Variants in GRID1 observed in about 807,000 individuals in gnomAD.
GRID1 encodes glutamate ionotropic receptor delta type subunit 1.
GRID1 carries 28 observed loss-of-function variants against 98.0 expected under a neutral mutation model. The ratio of observed to expected loss-of-function variants is 0.29; its 90% CI spans 0.21 to 0.39. The LOEUF is 0.39. Among genes scored for constraint, GRID1 ranks in the 10% least tolerant of loss-of-function variants. The pLI is 1.00. For missense variants in GRID1, 1,111 were observed against 1,340.5 expected (o/e 0.83, Z 2.67); for synonymous variants, 553 against 538.5 (o/e 1.03, Z -0.37).
At chr10:86,082,130 A>G (rs986232468) in intron 4 of GRID1, among the ~76,000 whole-genome samples, 1 of 152,244 alleles carries the variant, frequency 6.6e-6, no homozygotes, top group Non-Finnish European at 1.5e-5. Flanking sequence ...TTTTTCCTCA[A>G]TTTTTCTGTA....
rs12253666 is a variant in GRID1, at chr10:85,916,480, C to T, written c.727-241G>A. ...TGCACCAGCCCAGAGCAAGATTAGACGCTTGGGTTCCTGCAGGCAGCACAG... is the reference window on the plus strand; with the variant it reads ...TGCACCAGCCCAGAGCAAGATTAGATGCTTGGGTTCCTGCAGGCAGCACAG... On this transcript the variant is annotated intron_variant, in intron 4 of 15. Transcript: ENST00000327946. This position sits in a 1 kb window ranked among gnomAD's most constrained non-coding sequence, Gnocchi z 4.0. Among the ~76,000 whole-genome samples, 7,377 of 152,272 alleles carry T rather than the reference C, an allele frequency of 0.048. 489 individuals carry two copies. The highest frequency in any genetic ancestry group is 0.15 in the African/African-American group (6,384 of 41,526).
chr10:85,652,266 T>C (rs1355315371), intron 12 of GRID1, among the ~76,000 whole-genome samples: 2 of 152,218 alleles, frequency 1.3e-5, no homozygotes, highest in Non-Finnish European at 2.9e-5. Context: ...AACAAAGAGA[T>C]AAATGTGTTT....
chr10:86,101,744 A>T (rs555997970), intron 4 of GRID1, among the ~76,000 whole-genome samples: 1 of 151,004 alleles, frequency 6.6e-6, no homozygotes, highest in Admixed American at 6.6e-5. Context: ...GGCTCAAGAG[A>T]TCCTCCCACC....
chr10:86,337,792 C>T (rs1447602913), intron 2 of GRID1, among the ~76,000 whole-genome samples: 1 of 141,750 alleles, frequency 7.1e-6, no homozygotes, highest in South Asian at 2.4e-4. Context: ...ACTGAAACCT[C>T]GGTCTCCCAG....
chr10:86,250,167 G>A (rs1252209766), intron 2 of GRID1, among the ~76,000 whole-genome samples: 1 of 152,188 alleles, frequency 6.6e-6, no homozygotes, highest in Non-Finnish European at 1.5e-5. Flanking sequence ...AAAAGTCAGT[G>A]GGGACATTGC....
intron 3 of GRID1, among the ~76,000 whole-genome samples, chr10:86,194,881 C>T (rs568349789): frequency 6.6e-6 from 1 of 152,212 alleles, no homozygotes; most frequent in Non-Finnish European, 1.5e-5. Context: ...CCCCTCACAC[C>T]CCTTGTCCCA....
intron 2 of GRID1, among the ~76,000 whole-genome samples, chr10:86,332,780 G>A (rs1156354932): frequency 1.3e-5 from 2 of 150,418 alleles, no homozygotes; most frequent in African/African-American, 4.9e-5. Context: ...GCTCCTCCCT[G>A]ACTCCTCATC....
intron 2 of GRID1, among the ~76,000 whole-genome samples, chr10:86,261,278 G>A (rs752194012): frequency 9.9e-5 from 15 of 152,212 alleles, no homozygotes; most frequent in Admixed American, 1.3e-4. Flanking sequence ...ATGCTAGCAG[G>A]GCCTGCAGGA....
At position 86,274,110 on chromosome 10, in the gene GRID1, C is replaced by T. The variant is rs537111148; in HGVS notation, c.236-67462G>A. ...TTGTATAAGGTGTAAGGAAGGGATCCAGTTTCAGCTTTCTACATATGGCTA... is the reference window on the plus strand; with the variant it reads ...TTGTATAAGGTGTAAGGAAGGGATCTAGTTTCAGCTTTCTACATATGGCTA... On this transcript the variant is annotated intron_variant, in intron 2 of 15. Coordinates refer to ENST00000327946, the MANE Select transcript of GRID1 (RefSeq NM_017551.3). Among the ~76,000 whole-genome samples the T allele has an allele frequency of 5.3e-5, 8 of 152,236 alleles. No individual in the cohort carries two copies. In the East Asian group the frequency reaches 1.4e-3, roughly 26 times the overall value.
At chr10:86,284,850 T>C (rs1033620085) in intron 2 of GRID1, among the ~76,000 whole-genome samples, 1 of 151,952 alleles carries the variant, frequency 6.6e-6, no homozygotes, top group Non-Finnish European at 1.5e-5. Context: ...GGCACTGTGG[T>C]ATAGGGGAAG....
intron 5 of GRID1, among the ~76,000 whole-genome samples, chr10:85,902,902 C>A (rs1841409480): frequency 6.6e-6 from 1 of 152,138 alleles, no homozygotes; most frequent in African/African-American, 2.4e-5. Context: ...GACCCCCCCA[C>A]AACACCTGTC....
chr10:86,296,457 T>TA (rs1264652453), intron 2 of GRID1, among the ~76,000 whole-genome samples: 6 of 152,084 alleles, frequency 3.9e-5, no homozygotes, highest in African/African-American at 1.4e-4. Context: ...AGTATGATTT[T>TA]AAAAAAATAG....
At chr10:86,282,427 C>T (rs1847369315) in intron 2 of GRID1, among the ~76,000 whole-genome samples, 1 of 152,200 alleles carries the variant, frequency 6.6e-6, no homozygotes, top group Admixed American at 6.5e-5. Flanking sequence ...GAGCACAGCC[C>T]TTCCATGGAT....
intron 8 of GRID1, among the ~76,000 whole-genome samples, chr10:85,809,570 T>G (rs930895467): frequency 6.6e-6 from 1 of 151,996 alleles, no homozygotes; most frequent in African/African-American, 2.4e-5. Context: ...ACAAAAGGAG[T>G]GCTATCAGCA....
intron 2 of GRID1, among the ~76,000 whole-genome samples, chr10:86,326,811 G>A (rs1200514627): frequency 1.3e-5 from 2 of 152,176 alleles, no homozygotes; most frequent in African/African-American, 2.4e-5. Flanking sequence ...CCAGCCAAGT[G>A]GGGCCCTAAA....
intron 8 of GRID1, among the ~76,000 whole-genome samples, chr10:85,811,128 A>G (rs1842667284): frequency 6.6e-6 from 1 of 152,168 alleles, no homozygotes; most frequent in Non-Finnish European, 1.5e-5. Flanking sequence ...GCACTATCAA[A>G]CATCACTAAC....
At chr10:86,315,075 C>A (rs1202061860) in intron 2 of GRID1, among the ~76,000 whole-genome samples, 1 of 152,166 alleles carries the variant, frequency 6.6e-6, no homozygotes, top group African/African-American at 2.4e-5. Context: ...CTGCTTCCAT[C>A]AAGCTTCCAG....
chr10:85,923,831 G>A (rs908795460), intron 4 of GRID1, among the ~76,000 whole-genome samples: 5 of 152,166 alleles, frequency 3.3e-5, no homozygotes, highest in African/African-American at 7.2e-5. Context: ...TGATTCAGGC[G>A]ACAGTGATAG....
chr10:86,102,837 C>A (rs1278432060), intron 4 of GRID1, among the ~76,000 whole-genome samples: 1 of 152,180 alleles, frequency 6.6e-6, no homozygotes, highest in Non-Finnish European at 1.5e-5. Flanking sequence ...CCCATATTCC[C>A]CACATGTCAT....
Sources: gnomAD v4.1 joint callset for allele counts (sites outside exome capture counted in the v4.1 genomes callset) on GRCh38, gnomAD v4.1.1 for gene constraint, Gnocchi (gnomAD v3.1) non-coding constraint, MANE v1.5 for transcripts, NCBI Gene and HGNC (gene_info 2026-07-23, HGNC 2026-07-21) for gene names.